CACNB2: variants seen among roughly 807,000 people sequenced by gnomAD.
The protein encoded by CACNB2 is voltage-dependent L-type calcium channel subunit beta-2.
CACNB2 carries 42 observed loss-of-function variants against 73.3 expected under a neutral mutation model. That is an observed-to-expected ratio of 0.57 (90% CI 0.45 to 0.74). The LOEUF (loss-of-function observed/expected upper bound fraction) is 0.74. CACNB2 is among the 30% of genes least tolerant of loss of function. The pLI is 0.00. For synonymous variants in CACNB2, 348 were observed against 310.3 expected (o/e 1.12, Z -1.28); for missense variants, 940 against 853.0 (o/e 1.10, Z -1.27).
At chr10:18,495,591 GTA>G (rs1554830747) in intron 3 of CACNB2, among the ~76,000 whole-genome samples, 8 of 138,720 alleles carry the variant, frequency 5.8e-5, no homozygotes, top group East Asian at 4.2e-4. Context: ...GTGTGTGTGT[GTA>G]TAAGAGATGA....
intron 2 of CACNB2, among the ~76,000 whole-genome samples, chr10:18,256,070 A>T (rs1034224634): frequency 1.3e-5 from 2 of 152,158 alleles, no homozygotes; most frequent in African/African-American, 2.4e-5. Flanking sequence ...TTAAAAACAT[A>T]TATCTTCCAT....
chr10:18,240,282 C>A (rs1053845111), intron 2 of CACNB2, among the ~76,000 whole-genome samples: 7 of 152,246 alleles, frequency 4.6e-5, no homozygotes, highest in African/African-American at 1.4e-4. Flanking sequence ...GCAAAACAAT[C>A]GCAGAGTGAC....
intron 2 of CACNB2, among the ~76,000 whole-genome samples, chr10:18,384,982 G>A (rs2043164218): frequency 6.6e-6 from 1 of 151,716 alleles, no homozygotes; most frequent in African/African-American, 2.4e-5. Context: ...GCAGAACTTT[G>A]AAAAGAACAG....
intron 3 of CACNB2, among the ~76,000 whole-genome samples, chr10:18,415,337 A>C (rs545061823): frequency 1.7e-4 from 26 of 152,232 alleles, no homozygotes; most frequent in African/African-American, 6.0e-4. Context: ...ATGGTGGTAC[A>C]TGCCTGCAGT....
At chr10:18,331,180 T>C (rs2040789818) in intron 2 of CACNB2, among the ~76,000 whole-genome samples, 1 of 151,898 alleles carries the variant, frequency 6.6e-6, no homozygotes, top group Non-Finnish European at 1.5e-5. Flanking sequence ...GAGACGGGGT[T>C]TCACCATGTC....
chr10:18,464,428 A>T (rs1446456005), intron 3 of CACNB2, among the ~76,000 whole-genome samples: 1 of 148,698 alleles, frequency 6.7e-6, no homozygotes, highest in African/African-American at 2.5e-5. Flanking sequence ...TAAAAAAAAA[A>T]AAAAAAAAAA....
At chr10:18,469,365 G>C (rs1312294636) in intron 3 of CACNB2, among the ~76,000 whole-genome samples, 1 of 152,224 alleles carries the variant, frequency 6.6e-6, no homozygotes, top group Non-Finnish European at 1.5e-5. Context: ...ACACCAGTCT[G>C]TCAATTACCC....
intron 3 of CACNB2, among the ~76,000 whole-genome samples, chr10:18,421,043 A>G (rs2045291778): frequency 6.6e-6 from 1 of 152,142 alleles, no homozygotes; most frequent in Admixed American, 6.5e-5. Context: ...TGTATTTTTT[A>G]GGAGAGGAAT....
intron 2 of CACNB2, among the ~76,000 whole-genome samples, chr10:18,257,738 T>G (rs2037344234): frequency 6.6e-6 from 1 of 152,148 alleles, no homozygotes; most frequent in Admixed American, 6.5e-5. Context: ...TCTGAAACAC[T>G]GTGTTCTCTT....
chr10:18,363,411 C>T (rs1326014601), intron 2 of CACNB2, among the ~76,000 whole-genome samples: 1 of 152,174 alleles, frequency 6.6e-6, no homozygotes. Context: ...AATCCTGTCG[C>T]CCCATGGGGC....
chr10:18,145,974 C>T (rs550369945), intron 1 of CACNB2, among the ~76,000 whole-genome samples: 1 of 152,244 alleles, frequency 6.6e-6, no homozygotes, highest in South Asian at 2.1e-4. Context: ...TCCCTCCTCC[C>T]TCCTGTACCT....
chr10:18,427,602 A>G (rs11014193), intron 3 of CACNB2, among the ~76,000 whole-genome samples: 4,091 of 152,232 alleles, frequency 0.027, 146 homozygotes, highest in South Asian at 0.12. Context: ...GAAAATTCCT[A>G]AACGTACTGT....
intron 2 of CACNB2, among the ~76,000 whole-genome samples, chr10:18,220,154 T>TAC (rs1307338427): frequency 4.2e-4 from 14 of 33,654 alleles, no homozygotes; most frequent in East Asian, 1.5e-3. Context: ...TATATATATA[T>TAC]ACACACACAC....
intron 2 of CACNB2, among the ~76,000 whole-genome samples, chr10:18,333,834 G>A (rs1299465710): frequency 6.6e-6 from 1 of 151,998 alleles, no homozygotes; most frequent in Non-Finnish European, 1.5e-5. Flanking sequence ...AGTCTGGACG[G>A]ACCACTTGAA....
intron 2 of CACNB2, among the ~76,000 whole-genome samples, chr10:18,326,545 C>T (rs1322185570): frequency 6.6e-6 from 1 of 152,176 alleles, no homozygotes; most frequent in Non-Finnish European, 1.5e-5. Context: ...CCTCTGACTG[C>T]ATTAGATTAA....
At chr10:18,165,019 T>C (rs1249149700) in intron 2 of CACNB2, among the ~76,000 whole-genome samples, 1 of 152,176 alleles carries the variant, frequency 6.6e-6, no homozygotes, top group East Asian at 1.9e-4. Flanking sequence ...ACATGGTTCC[T>C]AGATTAAAAT....
intron 5 of CACNB2, among the ~76,000 whole-genome samples, chr10:18,504,639 T>TTGTG (rs113483548): frequency 1.4e-3 from 211 of 151,764 alleles, no homozygotes; most frequent in African/African-American, 5.0e-3. Flanking sequence ...TTCTCTCCTT[T>TTGTG]TGTGTGTGTG....
At chr10:18,404,135 T>C (rs951962849) in intron 3 of CACNB2, among the ~76,000 whole-genome samples, 12 of 152,082 alleles carry the variant, frequency 7.9e-5, no homozygotes, top group Non-Finnish European at 1.3e-4. Flanking sequence ...TTTTAAAAAA[T>C]AGTTTATTTA....
At chr10:18,402,129 G>A in intron 3 of CACNB2, 86 bp downstream of exon 3, 1 of 1,417,642 alleles carries the variant, frequency 7.1e-7, no homozygotes, top group Middle Eastern at 1.8e-4. Flanking sequence ...CCTAAAGGTT[G>A]TTTGATCTAT....
Sources: gnomAD v4.1 joint callset for allele counts (sites outside exome capture counted in the v4.1 genomes callset) on GRCh38, gnomAD v4.1.1 for gene constraint, MANE v1.5 for transcripts, NCBI Gene and HGNC (gene_info 2026-07-23, HGNC 2026-07-21) for gene names.